SIN3A: variants seen among roughly 807,000 people sequenced by gnomAD.
The protein encoded by SIN3A is SIN3 transcription regulator family member A.
A neutral mutation model predicts 146.1 loss-of-function variants in SIN3A; 14 were observed. That is an observed-to-expected ratio of 0.10 (90% confidence interval 0.06 to 0.15). The LOEUF is 0.15. SIN3A is among the 10% of genes least tolerant of loss of function. The pLI, the probability that SIN3A is intolerant of heterozygous loss-of-function variation, is 1.00. For synonymous variants in SIN3A, 572 were observed against 572.0 expected (o/e 1.00, Z 0.00); for missense variants, 1,028 against 1,576.0 (o/e 0.65, Z 5.89).
chr15:75,405,614 G>A (rs931252861), intron 9 of SIN3A, among the ~76,000 whole-genome samples: 4 of 152,010 alleles, frequency 2.6e-5, no homozygotes, highest in Middle Eastern at 3.4e-3. Context: ...AGCTGGGCAC[G>A]GTAGTAGGCG....
At chr15:75,393,525 A>G (rs573766418) in intron 14 of SIN3A, among the ~76,000 whole-genome samples, 14 of 152,026 alleles carry the variant, frequency 9.2e-5, no homozygotes, top group Non-Finnish European at 1.8e-4. Context: ...TAAGAAGTGC[A>G]CCACCATGCC....
At chr15:75,392,053 GA>G (rs1410032744) in intron 15 of SIN3A, among the ~76,000 whole-genome samples, 188 bp downstream of exon 15, 1 of 152,118 alleles carries the variant, frequency 6.6e-6, no homozygotes, top group African/African-American at 2.4e-5. Context: ...CCCTGCATAG[GA>G]TACTTTGCAC....
upstream of SIN3A, among the ~76,000 whole-genome samples, chr15:75,454,595 TC>T (rs1398595658): frequency 6.6e-6 from 1 of 151,162 alleles, no homozygotes; most frequent in Non-Finnish European, 1.5e-5. Flanking sequence ...CATTTCCTTT[TC>T]CCGATTCCGA....
chr15:75,423,276 TA>T (rs540159663), intron 2 of SIN3A, among the ~76,000 whole-genome samples: 2 of 149,728 alleles, frequency 1.3e-5, no homozygotes, highest in African/African-American at 2.5e-5. Flanking sequence ...AGACCGTCTC[TA>T]AAAAAAAAGA....
intron 1 of SIN3A, 21 bp downstream of exon 1, chr15:75,451,402 C>G (rs113497231): frequency 2.0e-5 from 3 of 149,972 alleles, no homozygotes; most frequent in Admixed American, 1.3e-4. Context: ...CCGCCCGGCC[C>G]CCGGCCCAGC....
Position 75,389,642 on chromosome 15 carries a change from A to C in SIN3A, c.3021+10T>G. ...TCCCTTACTCACCCTAGCCTCCTCC[A>C]TGCCCTCACCTGTCTGACAATGCTC... is the stretch of plus-strand genomic sequence containing the variant. On this transcript the variant is annotated intron_variant, in intron 16 of 20. Transcript: ENST00000394947. 4 of 1,613,868 alleles carry C rather than the reference A, an allele frequency of 2.5e-6. No individual in the cohort carries two copies. The highest frequency in any genetic ancestry group is 3.4e-6 in the Non-Finnish European group (4 of 1,179,890).
chr15:75,375,964 A>ATAGTT (rs1312338607), intron 19 of SIN3A, 92 bp from the exon 20 acceptor site: 1 of 1,243,588 alleles, frequency 8.0e-7, no homozygotes, highest in Non-Finnish European at 1.2e-6. Context: ...ATATGCTTGC[A>ATAGTT]TAGTACTCAT....
chr15:75,427,428 G>A (rs2073943830), intron 2 of SIN3A, among the ~76,000 whole-genome samples: 1 of 152,142 alleles, frequency 6.6e-6, no homozygotes, highest in Non-Finnish European at 1.5e-5. Flanking sequence ...CCAGCACTTT[G>A]GAAGGCAGAC....
intron 15 of SIN3A, among the ~76,000 whole-genome samples, chr15:75,390,853 G>A (rs950107601): frequency 1.3e-5 from 2 of 152,154 alleles, no homozygotes; most frequent in Non-Finnish European, 2.9e-5. Flanking sequence ...TGGGATTACA[G>A]GTGTAAGCCA....
chr15:75,380,956 AT>A, intron 18 of SIN3A: 1 of 395,364 alleles, frequency 2.5e-6, no homozygotes, highest in Non-Finnish European at 4.8e-6. Context: ...ATGAGAAGTC[AT>A]AAACAGGTAG....
chr15:75,385,267 A>G (rs2073056709), intron 16 of SIN3A, among the ~76,000 whole-genome samples: 1 of 152,214 alleles, frequency 6.6e-6, no homozygotes, highest in Non-Finnish European at 1.5e-5. Flanking sequence ...CTGCTGAATT[A>G]TTGCCCAGGG....
intron 1 of SIN3A, among the ~76,000 whole-genome samples, chr15:75,442,326 G>T (rs796681478): frequency 1.3e-5 from 2 of 149,250 alleles, no homozygotes; most frequent in African/African-American, 4.9e-5. Context: ...CAGTGGTTTT[G>T]ATTGTTTTTT....
chr15:75,438,642 T>G (rs2074147277), intron 1 of SIN3A, among the ~76,000 whole-genome samples: 1 of 152,112 alleles, frequency 6.6e-6, no homozygotes, highest in Admixed American at 6.6e-5. Context: ...TGAGCTGTGA[T>G]TATGCCACTG....
Position 75,413,084 on chromosome 15 carries a change from T to G in SIN3A, c.474-39A>C, listed in dbSNP as rs746953764. 1.2e-5 allele frequency: 18 copies of G among 1,553,300 alleles called. No individual in the cohort carries two copies. In the South Asian group the frequency reaches 2.1e-4, roughly 18 times the overall value. The stretch of plus-strand genomic sequence containing the variant: ...AAAAGAAAAGTGATAAACTGTAAGC[T>G]TAACAAACACCCTGTTAAGAAAAAA... On this transcript the variant is annotated intron_variant, in intron 4 of 20. Transcript: ENST00000394947.
intron 1 of SIN3A, among the ~76,000 whole-genome samples, chr15:75,440,565 T>A: frequency 6.6e-6 from 1 of 152,154 alleles, no homozygotes; most frequent in East Asian, 1.9e-4. Context: ...ATTCCGTACT[T>A]TCCTGGACAC....
chr15:75,379,369 G>C (rs1332321791), intron 19 of SIN3A, among the ~76,000 whole-genome samples: 1 of 152,120 alleles, frequency 6.6e-6, no homozygotes, highest in South Asian at 2.1e-4. Context: ...TTAGCTGTCA[G>C]ACAAATCATT....
In SIN3A at chr15:75,400,912, T is replaced by C. The variant is rs1421115108; in HGVS notation, c.1555A>G (p.Lys519Glu). The C allele has an allele frequency of 2.5e-6, 4 of 1,613,508 alleles. No individual in the cohort carries two copies. The Admixed American group carries it at 6.7e-5, about 27-fold the overall frequency. Residue 519 changes from lysine to glutamate, a missense_variant, in exon 11 of 21, where the codon AAA becomes GAA. By Grantham distance (56) the Lys-to-Glu change is moderately conservative. This residue lies in a region of SIN3A where 157 missense variants were observed against 284.8 expected (regional missense o/e 0.55). Coordinates refer to ENST00000394947, the MANE Select transcript of SIN3A (RefSeq NM_001145358.2). ...GKFPELFNWF[K>E]NFLGYKESVH... is the part of the protein sequence containing the mutation. ...GACTCCTTATAGCCCAGAAAGTTTTTAAACCAATTAAACAACTCAGGGAAT... is the reference window on the plus strand; with the variant it reads ...GACTCCTTATAGCCCAGAAAGTTTTCAAACCAATTAAACAACTCAGGGAAT...
rs181064211 is a variant in SIN3A, at chr15:75,417,981, A to G, written c.367-3670T>C. 2.0e-5 allele frequency among the ~76,000 whole-genome samples: 3 copies of G among 152,184 alleles called. No individual in the cohort carries two copies. The East Asian group carries it at 5.8e-4, about 29-fold the overall frequency. On this transcript the variant is annotated intron_variant, in intron 3 of 20. Transcript: ENST00000394947. ...AAAACAGAGTTCAGGCCCTCACCAG[A>G]CACCAAACCAACTGGCACCTGGATT...
At chr15:75,414,361 T>A in intron 3 of SIN3A, 50 bp from the exon 4 acceptor site, 2 of 1,053,162 alleles carry the variant, frequency 1.9e-6, no homozygotes, top group Admixed American at 3.2e-5. Context: ...AAGCTCATAA[T>A]TACAAAAAAA....
Sources: allele counts gnomAD v4.1 joint callset (sites outside exome capture counted in the v4.1 genomes callset), GRCh38; gene constraint gnomAD v4.1.1; regional missense constraint gnomAD v4.1.1; transcripts MANE v1.5; gene names NCBI Gene and HGNC (gene_info 2026-07-23, HGNC 2026-07-21).